The following ZNF813 variants were observed in gnomAD, a reference collection of about 807,000 sequenced individuals.
ZNF813 encodes the protein zinc finger protein 813.
A neutral mutation model predicts 7.2 loss-of-function variants in ZNF813; 3 were observed. The ratio of observed to expected loss-of-function variants is 0.42; its 90% CI spans 0.19 to 1.08. The LOEUF is 1.08. ZNF813 is among the 50% of genes least tolerant of loss of function. The pLI, the probability that ZNF813 is intolerant of heterozygous loss-of-function variation, is 0.30. For missense variants in ZNF813, 714 were observed against 753.3 expected (o/e 0.95, Z 0.61); for synonymous variants, 227 against 256.3 (o/e 0.89, Z 1.09).
At chr19:53,485,583 G>A (rs1477367933) in intron 2 of ZNF813, among the ~76,000 whole-genome samples, 1 of 102,050 alleles carries the variant, frequency 9.8e-6, no homozygotes, top group African/African-American at 3.4e-5. Context: ...TGTATGTCAT[G>A]ACATATGTAT....
Position 53,490,913 on chromosome 19 carries a change from C to G in ZNF813, c.681C>G (p.Ser227Arg). ...AGAGTGGCAAAGCCTTTAATTATAG[C>G]TCACTCTTAAGGAAACATCAAATAA... The part of the protein sequence containing the change: ...CNESGKAFNY[S>R]SLLRKHQIIH... Residue 227 changes from serine to arginine, a missense_variant, in exon 4 of 4, where the codon AGC becomes AGG. Physicochemically the swap from Ser to Arg is moderately radical, Grantham distance 110. Coordinates refer to ENST00000396403, the MANE Select transcript of ZNF813 (RefSeq NM_001004301.4). The G allele has an allele frequency of 1.9e-6, 3 of 1,614,092 alleles. No homozygotes were observed. The highest frequency in any genetic ancestry group is 2.5e-6 in the Non-Finnish European group (3 of 1,179,980).
chr19:53,488,312 C>T (rs776122044), intron 3 of ZNF813: 9 of 446,606 alleles, frequency 2.0e-5, no homozygotes, highest in Middle Eastern at 4.2e-4. Flanking sequence ...TGTGAACCAC[C>T]GCGCCCTGCC....
In ZNF813 at chr19:53,490,009, A is replaced by G. The variant is rs192827330; in HGVS notation, c.143-366A>G. On this transcript the variant is annotated intron_variant, in intron 3 of 3. Coordinates refer to ENST00000396403, the MANE Select transcript of ZNF813 (RefSeq NM_001004301.4). ...ATGTGGTCCTTTAGCATTTATTTGT[A>G]TACAGCAAATATGCTGTAAATATGA... is the stretch of plus-strand genomic sequence containing the variant. Among the ~76,000 whole-genome samples, 16 of 152,310 alleles carry G rather than the reference A, an allele frequency of 1.1e-4. No individual in the cohort carries two copies. In the East Asian group the frequency reaches 2.9e-3, roughly 28 times the overall value.
chr19:53,472,934 C>T (rs878954684), intron 1 of ZNF813, among the ~76,000 whole-genome samples: 8 of 151,590 alleles, frequency 5.3e-5, no homozygotes, highest in East Asian at 2.0e-4. Flanking sequence ...AGTTCTTAAG[C>T]GAGTCCTTGT....
chr19:53,488,254 C>G, intron 3 of ZNF813: 1 of 455,680 alleles, frequency 2.2e-6, no homozygotes, highest in Non-Finnish European at 4.4e-6. Context: ...AACTCCTGCC[C>G]TCAGGTGATC....
Position 53,492,692 on chromosome 19 carries a change from T to G in ZNF813, c.*606T>G. ...CCATTGCAAATCATTGGAGAACCCA[T>G]AAGGAAGAGAGATCATACAAGTGTA... is the stretch of plus-strand genomic sequence containing the variant. On this transcript the variant is annotated 3_prime_UTR_variant, in exon 4 of 4. Coordinates refer to ENST00000396403, the MANE Select transcript of ZNF813 (RefSeq NM_001004301.4). The G allele has an allele frequency of 1.3e-6, 1 of 769,226 alleles. No homozygotes were observed. Among genetic ancestry groups the G allele is most frequent in the South Asian group, 1.3e-5 (1 of 76,230 alleles). The allele number at this position is 769,226 out of a possible 1,614,324, so 47.7% of individuals were successfully genotyped here. A position where few individuals can be genotyped will look rare whatever the true frequency, so the allele number is the denominator to read the frequency against.
chr19:53,478,431 C>T (rs142037300), intron 1 of ZNF813, among the ~76,000 whole-genome samples: 6 of 152,132 alleles, frequency 3.9e-5, no homozygotes, highest in African/African-American at 1.4e-4. Flanking sequence ...CTTGGCCTTC[C>T]GAAATACTGG....
chr19:53,482,645 C>T (rs2086413725), intron 1 of ZNF813, among the ~76,000 whole-genome samples: 1 of 151,816 alleles, frequency 6.6e-6, no homozygotes, highest in South Asian at 2.1e-4. Flanking sequence ...TTCCCTCTGC[C>T]CGTCAGTCTC....
At chr19:53,476,971 TTTTTAAACC>T (rs1175891842) in intron 1 of ZNF813, among the ~76,000 whole-genome samples, 8 of 151,436 alleles carry the variant, frequency 5.3e-5, no homozygotes, top group Non-Finnish European at 1.0e-4. Flanking sequence ...TGTGGGAGAG[TTTTTAAACC>T]TTTGTGGGAG....
intron 1 of ZNF813, among the ~76,000 whole-genome samples, chr19:53,478,512 T>C (rs1168649491): frequency 3.3e-5 from 5 of 152,098 alleles, no homozygotes; most frequent in African/African-American, 1.2e-4. Context: ...ACGTGGTGGC[T>C]CCTGCCAGTA....
intron 1 of ZNF813, among the ~76,000 whole-genome samples, chr19:53,481,543 T>G (rs942729568): frequency 3.3e-5 from 5 of 151,874 alleles, no homozygotes; most frequent in African/African-American, 9.7e-5. Flanking sequence ...GAGATGGGGT[T>G]TCATCATGTT....
chr19:53,470,522 C>G (rs117063599), intron 1 of ZNF813, among the ~76,000 whole-genome samples: 11,321 of 128,650 alleles, frequency 0.088, 1,793 homozygotes, highest in Non-Finnish European at 0.13. Flanking sequence ...GAGTGGTAGT[C>G]TGCCTAGTGA....
chr19:53,495,945 C>A lies in ZNF813; in HGVS notation c.*3859C>A. On this transcript the variant is annotated 3_prime_UTR_variant, in exon 4 of 4. Transcript: ENST00000396403. ...GCCAAGAAACAAAAGCAAAATCATT[C>A]CATTCCCCCAGTGGATTCAGATCAA... 1 of 346,250 alleles carries A rather than the reference C, an allele frequency of 2.9e-6. No homozygotes were observed. The highest frequency in any genetic ancestry group is 2.8e-5 in the South Asian group (1 of 36,278). The allele number at this position is 346,250 out of a possible 1,614,324, so 21.4% of individuals were successfully genotyped here.
intron 1 of ZNF813, among the ~76,000 whole-genome samples, chr19:53,470,399 T>TTGA (rs71185886): frequency 0.34 from 49,559 of 147,618 alleles, 8,644 homozygotes; most frequent in African/African-American, 0.4. Flanking sequence ...TTTTCTCCCT[T>TTGA]TGCTTTTTAT....
chr19:53,484,010 G>C (rs761704377), intron 2 of ZNF813, among the ~76,000 whole-genome samples, 173 bp downstream of exon 2: 2 of 151,868 alleles, frequency 1.3e-5, no homozygotes, highest in Non-Finnish European at 2.9e-5. Flanking sequence ...TCTTGTGACC[G>C]AGTGACATGA....
chr19:53,486,554 C>T (rs2086434918), intron 2 of ZNF813, 78 bp from the exon 3 acceptor site: 7 of 1,610,652 alleles, frequency 4.3e-6, no homozygotes, highest in South Asian at 2.2e-5. Context: ...CATGCTTTCC[C>T]CTCTCTCCTC....
At chr19:53,482,683 C>G (rs1196595812) in intron 1 of ZNF813, among the ~76,000 whole-genome samples, 1 of 146,454 alleles carries the variant, frequency 6.8e-6, no homozygotes, top group Non-Finnish European at 1.5e-5. Flanking sequence ...TCTATTATCT[C>G]TGCATCAATC....
intron 3 of ZNF813, chr19:53,488,237 G>A (rs1252900975): frequency 1.5e-5 from 7 of 455,118 alleles, no homozygotes; most frequent in East Asian, 7.0e-5. Context: ...TTGTCTGGCC[G>A]ATCTCAAACT....
chr19:53,489,526 C>CA (rs150390446), intron 3 of ZNF813, among the ~76,000 whole-genome samples: 10,229 of 151,862 alleles, frequency 0.067, 365 homozygotes, highest in East Asian at 0.12. Context: ...GGCTTGAACC[C>CA]AAAAGGTGGA....
Sources: allele counts gnomAD v4.1 joint callset (sites outside exome capture counted in the v4.1 genomes callset), GRCh38; gene constraint gnomAD v4.1.1; transcripts MANE v1.5; gene names NCBI Gene and HGNC (gene_info 2026-07-23, HGNC 2026-07-21).